The following C19orf44 variants were observed in gnomAD, a reference collection of about 807,000 sequenced individuals.
C19orf44 encodes the protein uncharacterized protein C19orf44.
C19orf44 carries 43 observed loss-of-function variants against 50.7 expected under a neutral mutation model. The ratio of observed to expected loss-of-function variants is 0.85; its 90% CI spans 0.66 to 1.09. The LOEUF (loss-of-function observed/expected upper bound fraction) is 1.09, where lower values mean the gene tolerates loss of function less well. Ranked by LOEUF, C19orf44 falls within the 50% of genes least tolerant of loss-of-function variation. C19orf44 has a pLI of 0.00. For synonymous variants in C19orf44, 298 were observed against 334.7 expected, an observed-to-expected ratio of 0.89 and a Z score of 1.20; for missense variants, 722 against 836.2, an observed-to-expected ratio of 0.86 and a Z score of 1.68.
intron 1 of C19orf44, among the ~76,000 whole-genome samples, chr19:16,496,876 C>T (rs1306576793): frequency 6.6e-6 from 1 of 152,162 alleles, no homozygotes; most frequent in Non-Finnish European, 1.5e-5. Context: ...GCCTGGAATC[C>T]CAGCACTTTG....
Position 16,521,184 on chromosome 19 carries a change from C to T in C19orf44, c.*1131C>T. On this transcript the variant is annotated 3_prime_UTR_variant, in exon 9 of 9. Coordinates refer to ENST00000221671, the MANE Select transcript of C19orf44 (RefSeq NM_032207.4). ...GGTCTGTGGAACTGGGAAACAGGAACACTGACTCATGGGTGGACAGGCCTG... is the reference window on the plus strand; with the variant it reads ...GGTCTGTGGAACTGGGAAACAGGAATACTGACTCATGGGTGGACAGGCCTG... 1.7e-6 allele frequency: 1 copy of T among 583,554 alleles called. No individual in the cohort carries two copies. Among genetic ancestry groups the T allele is most frequent in the Non-Finnish European group, 3.1e-6 (1 of 326,216 alleles). 36.1% of individuals were successfully genotyped at this position (583,554 alleles called of 1,614,324 possible).
At chr19:16,501,912 AT>A (rs35232665) in intron 2 of C19orf44, among the ~76,000 whole-genome samples, 248 of 116,174 alleles carry the variant, frequency 2.1e-3, no homozygotes, top group Non-Finnish European at 2.3e-3. Context: ...ACTTTTTTGT[AT>A]TTTTTTTTTT....
In C19orf44 at chr19:16,501,005, G is replaced by A. The variant is rs1022696734; in HGVS notation, c.213G>A (p.Gly71=). The A allele has an allele frequency of 6.2e-7, 1 of 1,613,924 alleles. No homozygotes were observed. Among genetic ancestry groups the A allele is most frequent in the Non-Finnish European group, 8.5e-7 (1 of 1,179,938 alleles). ...HLLLKENPVL[G]SGPRLASCRP... ...TCCTGAAAGAGAACCCTGTGCTCGG[G>A]AGTGGACCCAGGCTTGCCTCATGTA... The change falls in exon 2 of 9, where the codon GGG becomes GGA. Residue 71 remains glycine (G), a synonymous_variant. Transcript: ENST00000221671.
At chr19:16,506,805 G>A (rs746864620) in intron 4 of C19orf44, 31 bp downstream of exon 4, 53 of 1,490,884 alleles carry the variant, frequency 3.6e-5, no homozygotes, top group Non-Finnish European at 4.5e-5. Flanking sequence ...TTTCATGGTC[G>A]ATTGTTTTTG....
In C19orf44 at chr19:16,513,043, C is replaced by T; in HGVS notation, c.1669C>T (p.Leu557=). The change falls in exon 6 of 9, where the codon CTG becomes TTG. Residue 557 remains leucine, a synonymous_variant. Coordinates refer to ENST00000221671, the MANE Select transcript of C19orf44 (RefSeq NM_032207.4). ...VASMAAMGPA[L]GGAYVDPTPI... is the part of the protein sequence containing the mutation. The stretch of plus-strand genomic sequence containing the variant: ...CAGCATGGCAGCCATGGGGCCTGCC[C>T]TGGGAGGCGCCTACGTGGACCCGAC... 1 of 1,613,584 alleles carries T rather than the reference C, an allele frequency of 6.2e-7. No individual in the cohort carries two copies. Among genetic ancestry groups the T allele is most frequent in the Non-Finnish European group, 8.5e-7 (1 of 1,180,000 alleles).
At chr19:16,504,603 GT>G (rs11340318) in intron 3 of C19orf44, among the ~76,000 whole-genome samples, 56,907 of 147,852 alleles carry the variant, frequency 0.38, 12,121 homozygotes, top group African/African-American at 0.6. Context: ...TCTTCTGTCT[GT>G]TTTTTTTTTT....
Position 16,517,251 on chromosome 19 carries a change from GCC to G in C19orf44, c.1927_1928del (p.Pro643ThrfsTer24). On this transcript the variant is annotated frameshift_variant, in exon 8 of 9. Transcript: ENST00000221671. LOFTEE classifies it high-confidence loss of function. ...AKEYIRCHRP[A>X]PLTMEDALEE... ...ACAGTACATTAGGTGCCACAGACCTGCCCCACTGACCATGGAGGATGCCCTGG... is the reference window on the plus strand; with the variant it reads ...ACAGTACATTAGGTGCCACAGACCTGCCACTGACCATGGAGGATGCCCTGG... 1 of 1,614,126 alleles carries G rather than the reference GCC, an allele frequency of 6.2e-7. No individual in the cohort carries two copies. The highest frequency in any genetic ancestry group is 8.5e-7 in the Non-Finnish European group (1 of 1,180,018).
In C19orf44 at chr19:16,520,211, G is replaced by T; in HGVS notation, c.*158G>T. ...TTCCTGGGGAGTACGACTTGGACCG[G>T]GACCGCGACTGGGACCGGGAGCGGC... On this transcript the variant is annotated 3_prime_UTR_variant, in exon 9 of 9. Transcript: ENST00000221671. This position sits in a 1 kb window ranked among gnomAD's most constrained non-coding sequence, Gnocchi z 4.0. 6.2e-7 allele frequency: 1 copy of T among 1,613,436 alleles called. No homozygotes were observed. The highest frequency in any genetic ancestry group is 8.5e-7 in the Non-Finnish European group (1 of 1,180,030).
rs2085579782 is a variant in C19orf44 at position 16,519,082 on chromosome 19, A to G, written c.*41-1012A>G. 7.4e-6 allele frequency: 10 copies of G among 1,344,134 alleles called. No individual in the cohort carries two copies. The highest frequency in any genetic ancestry group is 5.0e-5 in the South Asian group (4 of 79,478). The allele number at this position is 1,344,134 out of a possible 1,614,324, so 83.3% of individuals were successfully genotyped here. ...GTGTAAGAACTGAGCTGTCACTGCA[A>G]TCTTCCTCTGCCAGTCAGCCAGGAA... On this transcript the variant is annotated intron_variant, in intron 8 of 8. Transcript: ENST00000221671. The surrounding 1 kb of genome is among the most constrained non-coding windows in gnomAD (Gnocchi z 6.0).
intron 4 of C19orf44, 45 bp downstream of exon 4, chr19:16,506,819 T>A: frequency 1.4e-6 from 2 of 1,407,224 alleles, no homozygotes; most frequent in East Asian, 2.3e-5. Context: ...GTTTTTGGCT[T>A]CAACATTTTT....
intron 5 of C19orf44, among the ~76,000 whole-genome samples, chr19:16,511,988 C>G (rs1365014743): frequency 1.4e-5 from 2 of 139,306 alleles, no homozygotes; most frequent in African/African-American, 5.5e-5. Context: ...GCACCCCAGC[C>G]TGGGCGACAG....
chr19:16,508,124 G>A (rs1263669327), intron 4 of C19orf44, among the ~76,000 whole-genome samples: 1 of 149,474 alleles, frequency 6.7e-6, no homozygotes, highest in Non-Finnish European at 1.5e-5. Context: ...ATTTTTTTGA[G>A]ACACAGTCTC....
chr19:16,514,522 G>A lies in C19orf44; in HGVS notation c.1761G>A (p.Val587=), dbSNP rs375485790. ...CCCTGACCGCTTACAGCCCGGCCGT[G>A]CTGGCACTCCATGATGTGCTGAAGC... The part of the protein sequence containing the change: ...IEALTAYSPA[V]LALHDVLKQQ... The change falls in exon 7 of 9, where the codon GTG becomes GTA. Residue 587 remains valine (V), a synonymous_variant. Transcript: ENST00000221671. 2.5e-6 allele frequency: 4 copies of A among 1,611,516 alleles called. No individual in the cohort carries two copies. Among genetic ancestry groups the A allele is most frequent in the Non-Finnish European group, 3.4e-6 (4 of 1,179,566 alleles).
At chr19:16,505,678 T>C (rs972565706) in intron 3 of C19orf44, among the ~76,000 whole-genome samples, 3 of 152,114 alleles carry the variant, frequency 2.0e-5, no homozygotes, top group African/African-American at 7.2e-5. Context: ...TTATTATCAT[T>C]ATTTGTTATG....
At chr19:16,512,963 G>T (rs767835345) in intron 5 of C19orf44, 51 bp from the exon 6 acceptor site, 4 of 1,533,716 alleles carry the variant, frequency 2.6e-6, no homozygotes, top group Non-Finnish European at 3.6e-6. Flanking sequence ...GGACCCGAAA[G>T]TCATTTCTCT....
chr19:16,499,006 A>G lies in C19orf44; in HGVS notation c.-1-1786A>G, dbSNP rs1312082194. ...TTTAAATGTTACTGAGCACTTTTTC[A>G]TGTCCCACACAGAATATATAGGAAT... On this transcript the variant is annotated intron_variant, in intron 1 of 8. Coordinates refer to ENST00000221671, the MANE Select transcript of C19orf44 (RefSeq NM_032207.4). Among the ~76,000 whole-genome samples the G allele has an allele frequency of 2.6e-5, 4 of 152,072 alleles. No individual in the cohort carries two copies. The East Asian group carries it at 5.8e-4, about 22-fold the overall frequency.
rs56319712 is a variant in C19orf44 at position 16,502,236 on chromosome 19, C to CT, written c.759+705dup. Among the ~76,000 whole-genome samples the CT allele has an allele frequency of 5.1e-3, 546 of 106,688 alleles. 2 individuals carry two copies. The highest frequency in any genetic ancestry group is 5.9e-3 in the East Asian group (25 of 4,204). 70.0% of individuals were successfully genotyped at this position (106,688 alleles called of 152,430 possible). ...ATTTGTGGAATATTTTCTTTCTTTC[C>CT]TTTTTTTTTTTTTTTTTTTTGAGAT... On this transcript the variant is annotated intron_variant, in intron 2 of 8. Transcript: ENST00000221671.
At position 16,519,070 on chromosome 19, in the gene C19orf44, G is replaced by T; in HGVS notation, c.*41-1024G>T. On this transcript the variant is annotated intron_variant, in intron 8 of 8. Transcript: ENST00000221671. The surrounding 1 kb of genome is among the most constrained non-coding windows in gnomAD (Gnocchi z 6.0). Reference sequence around the variant, plus strand: ...CAAGTGGAGACGGTGTAAGAACTGAGCTGTCACTGCAATCTTCCTCTGCCA... The same window carrying T: ...CAAGTGGAGACGGTGTAAGAACTGATCTGTCACTGCAATCTTCCTCTGCCA... The T allele has an allele frequency of 2.5e-6, 3 of 1,184,972 alleles. No individual in the cohort carries two copies. The highest frequency in any genetic ancestry group is 3.6e-6 in the Non-Finnish European group (3 of 831,108). The allele number at this position is 1,184,972 out of a possible 1,614,324, so 73.4% of individuals were successfully genotyped here. A position where few individuals can be genotyped will look rare whatever the true frequency, so the allele number is the denominator to read the frequency against.
At position 16,519,405 on chromosome 19, in the gene C19orf44, G is replaced by A; in HGVS notation, c.*41-689G>A. ...CAACAAGGCGGAGGCAGATGGGGGT[G>A]CACGTGGGGGGCTGAATGTCCAGAC... On this transcript the variant is annotated intron_variant, in intron 8 of 8. Coordinates refer to ENST00000221671, the MANE Select transcript of C19orf44 (RefSeq NM_032207.4). This position sits in a 1 kb window ranked among gnomAD's most constrained non-coding sequence, Gnocchi z 6.0. 1.3e-6 allele frequency: 2 copies of A among 1,548,932 alleles called. No homozygotes were observed. The highest frequency in any genetic ancestry group is 8.8e-7 in the Non-Finnish European group (1 of 1,136,892).
Sources: gnomAD v4.1 joint callset for allele counts (sites outside exome capture counted in the v4.1 genomes callset) on GRCh38, gnomAD v4.1.1 for gene constraint, Gnocchi (gnomAD v3.1) non-coding constraint, MANE v1.5 for transcripts, NCBI Gene and HGNC (gene_info 2026-07-23, HGNC 2026-07-21) for gene names.